SCAMP5: variants seen among roughly 807,000 people sequenced by gnomAD.
SCAMP5 encodes the protein secretory carrier membrane protein 5.
SCAMP5 carries 7 observed loss-of-function variants against 28.3 expected under a neutral mutation model. The observed-to-expected ratio is 0.25, with a 90% CI of 0.14 to 0.46. The LOEUF (loss-of-function observed/expected upper bound fraction) is 0.46. Among genes scored for constraint, SCAMP5 ranks in the 20% least tolerant of loss-of-function variants. The pLI is 0.99. For missense variants in SCAMP5, 192 were observed against 312.5 expected, an observed-to-expected ratio of 0.61 and a Z score of 2.91; for synonymous variants, 117 against 116.4, an observed-to-expected ratio of 1.00 and a Z score of -0.03.
In SCAMP5 at chr15:75,018,358, CG is replaced by C. The variant is rs760716898; in HGVS notation, c.396-54del. The C allele has an allele frequency of 1.5e-5, 15 of 1,008,890 alleles. No individual in the cohort carries two copies. The South Asian group carries it at 1.9e-4, about 13-fold the overall frequency. The allele number at this position is 1,008,890 out of a possible 1,614,324, so 62.5% of individuals were successfully genotyped here. A position where few individuals can be genotyped will look rare whatever the true frequency, so the allele number is the denominator to read the frequency against. On this transcript the variant is annotated intron_variant, in intron 5 of 6. Coordinates refer to ENST00000425597, the MANE Select transcript of SCAMP5 (RefSeq NM_138967.4). This position sits in a 1 kb window ranked among gnomAD's most constrained non-coding sequence, Gnocchi z 5.6. ...GCAATGAGACGGTCCCTTCCTCTAG[CG>C]GGGGGCTCCTGGGCACCTCTTATCC... is the stretch of plus-strand genomic sequence containing the variant.
chr15:75,018,438 C>G lies in SCAMP5; in HGVS notation c.416C>G (p.Ser139Cys). 4 of 1,613,580 alleles carry G rather than the reference C, an allele frequency of 2.5e-6. No individual in the cohort carries two copies. Among genetic ancestry groups the G allele is most frequent in the Non-Finnish European group, 3.4e-6 (4 of 1,179,502 alleles). The change falls in exon 6 of 7, where the codon TCC (serine) becomes TGC (cysteine). Residue 139 changes from serine to cysteine, a missense_variant. By Grantham distance (112) the Ser-to-Cys change is moderately radical. Transcript: ENST00000425597. The surrounding 1 kb of genome is among the most constrained non-coding windows in gnomAD (Gnocchi z 5.6). The part of the protein sequence containing the change: ...WGVCGWIATI[S>C]FFGTNIGSAV... The stretch of plus-strand genomic sequence containing the variant: ...TGCAGCGGCTGGATTGCTACCATCT[C>G]CTTCTTCGGAACGAACATTGGCTCG...
chr15:75,012,603 A>T, intron 2 of SCAMP5, 74 bp from the exon 3 acceptor site: 2 of 1,578,080 alleles, frequency 1.3e-6, no homozygotes, highest in South Asian at 1.1e-5. Flanking sequence ...CAGCACAGCC[A>T]GGGGAAGGAT....
chr15:75,011,928 C>T (rs1357834129), intron 2 of SCAMP5, 82 bp downstream of exon 2: 2 of 1,226,676 alleles, frequency 1.6e-6, no homozygotes, highest in Non-Finnish European at 2.4e-6. Context: ...CCCTTATCTC[C>T]CCTAGTCTTT....
At chr15:75,007,411 A>T (rs1414148499) in intron 1 of SCAMP5, among the ~76,000 whole-genome samples, 1 of 152,110 alleles carries the variant, frequency 6.6e-6, no homozygotes, top group East Asian at 1.9e-4. Flanking sequence ...TTTTTGAGAC[A>T]GGGTCTTGCT....
At chr15:75,008,368 A>G (rs1255592391) in intron 1 of SCAMP5, among the ~76,000 whole-genome samples, 1 of 150,478 alleles carries the variant, frequency 6.6e-6, no homozygotes, top group Non-Finnish European at 1.5e-5. Context: ...GCAAATTCAT[A>G]TGTGCATTCT....
At chr15:75,006,549 A>T (rs1700555518) in intron 1 of SCAMP5, among the ~76,000 whole-genome samples, 1 of 152,014 alleles carries the variant, frequency 6.6e-6, no homozygotes, top group Admixed American at 6.5e-5. Context: ...GCACTTTGGG[A>T]GGCCAAGGCA....
At position 75,016,744 on chromosome 15, in the gene SCAMP5, C is replaced by T. The variant is rs1474274569; in HGVS notation, c.288C>T (p.Ala96=). 2 of 1,613,420 alleles carry T rather than the reference C, an allele frequency of 1.2e-6. No homozygotes were observed. The highest frequency in any genetic ancestry group is 1.7e-5 in the Admixed American group (1 of 59,972). ...GCTGGTTTCGGCCCATTTACAAGGC[C>T]TTCAAGTAAGTGGTTGGTGCTATCC... is the stretch of plus-strand genomic sequence containing the variant. The part of the protein sequence containing the change: ...YVCWFRPIYK[A]FKTDSSFSFM... Residue 96 remains alanine (A), a synonymous_variant, in exon 4 of 7, where the codon GCC becomes GCT. Transcript: ENST00000425597.
At chr15:75,000,683 C>CTT (rs58106804) in intron 1 of SCAMP5, among the ~76,000 whole-genome samples, 14,791 of 120,128 alleles carry the variant, frequency 0.12, 1,579 homozygotes, top group South Asian at 0.41. Flanking sequence ...CGCACCCAGC[C>CTT]TTTTTTTTTT....
Position 75,018,699 on chromosome 15 carries a change from G to GA in SCAMP5, c.514-90_514-89insA. On this transcript the variant is annotated intron_variant, in intron 6 of 6. Coordinates refer to ENST00000425597, the MANE Select transcript of SCAMP5 (RefSeq NM_138967.4). This position sits in a 1 kb window ranked among gnomAD's most constrained non-coding sequence, Gnocchi z 5.6. ...GAGGCATTCATGGGGAGGGAGCACT[G>GA]TTTTTTTTTTACAGATGGGTCCCAT... 2.2e-6 allele frequency: 2 copies of GA among 910,522 alleles called. No homozygotes were observed. The highest frequency in any genetic ancestry group is 3.3e-6 in the Non-Finnish European group (2 of 606,864). The allele number at this position is 910,522 out of a possible 1,614,324, so 56.4% of individuals were successfully genotyped here. A position where few individuals can be genotyped will look rare whatever the true frequency, so the allele number is the denominator to read the frequency against.
chr15:75,015,459 G>T (rs1012664308), intron 3 of SCAMP5, among the ~76,000 whole-genome samples: 2 of 152,104 alleles, frequency 1.3e-5, no homozygotes, highest in East Asian at 1.9e-4. Flanking sequence ...CAGAGGGGGG[G>T]GGGCCTGGGT....
At position 75,019,160 on chromosome 15, in the gene SCAMP5, C is replaced by T; in HGVS notation, c.*177C>T. ...GTATATGTCTGTACCCCAGCCCCCA[C>T]CTTTCAGATTCTGCTCTTGGCACTC... On this transcript the variant is annotated 3_prime_UTR_variant, in exon 7 of 7. Transcript: ENST00000425597. 2.4e-6 allele frequency: 1 copy of T among 412,574 alleles called. No individual in the cohort carries two copies. Among genetic ancestry groups the T allele is most frequent in the Non-Finnish European group, 4.2e-6 (1 of 238,274 alleles). The allele number at this position is 412,574 out of a possible 1,614,324, so 25.6% of individuals were successfully genotyped here. A position where few individuals can be genotyped will look rare whatever the true frequency, so the allele number is the denominator to read the frequency against.
Position 75,018,711 on chromosome 15 carries a change from C to A in SCAMP5, c.514-78C>A. On this transcript the variant is annotated intron_variant, in intron 6 of 6. Coordinates refer to ENST00000425597, the MANE Select transcript of SCAMP5 (RefSeq NM_138967.4). The surrounding 1 kb of genome is among the most constrained non-coding windows in gnomAD (Gnocchi z 5.6). Reference sequence around the variant, plus strand: ...GGGAGGGAGCACTGTTTTTTTTTTACAGATGGGTCCCATCTATTTCCTGGA... The same window carrying A: ...GGGAGGGAGCACTGTTTTTTTTTTAAAGATGGGTCCCATCTATTTCCTGGA... 3.5e-6 allele frequency: 4 copies of A among 1,126,820 alleles called. No homozygotes were observed. Among genetic ancestry groups the A allele is most frequent in the Non-Finnish European group, 5.3e-6 (4 of 756,164 alleles). 69.8% of individuals were successfully genotyped at this position (1,126,820 alleles called of 1,614,324 possible). A position where few individuals can be genotyped will look rare whatever the true frequency, so the allele number is the denominator to read the frequency against.
Position 75,019,225 on chromosome 15 carries a change from G to A in SCAMP5, c.*242G>A, listed in dbSNP as rs182853509. ...CGTGGAGCTGTCCCGTGCGGTAGTA[G>A]CTGTGTCTGTGTCCCCTCGTGAAAT... On this transcript the variant is annotated 3_prime_UTR_variant, in exon 7 of 7. Transcript: ENST00000425597. 21 of 316,608 alleles carry A rather than the reference G, an allele frequency of 6.6e-5. No homozygotes were observed. Among genetic ancestry groups the A allele is most frequent in the African/African-American group, 4.5e-4 (21 of 46,412 alleles). 19.6% of individuals were successfully genotyped at this position (316,608 alleles called of 1,614,324 possible).
At chr15:75,015,925 C>CAAAAAA (rs71308031) in intron 3 of SCAMP5, among the ~76,000 whole-genome samples, 25 of 62,846 alleles carry the variant, frequency 4.0e-4, no homozygotes, top group African/African-American at 4.4e-4. Flanking sequence ...AATTCCATCT[C>CAAAAAA]AAAAAAAAAA....
intron 1 of SCAMP5, among the ~76,000 whole-genome samples, chr15:75,000,058 C>A (rs190672508): frequency 6.6e-6 from 1 of 152,208 alleles, no homozygotes; most frequent in East Asian, 1.9e-4. Flanking sequence ...CCAACAAAAT[C>A]CACCAAACCT....
chr15:75,017,522 T>G, intron 4 of SCAMP5: 1 of 493,662 alleles, frequency 2.0e-6, no homozygotes. Context: ...CATGTACCAG[T>G]GGAGCTAGCT....
At chr15:75,005,986 T>TTC (rs1301392221) in intron 1 of SCAMP5, among the ~76,000 whole-genome samples, 4 of 143,284 alleles carry the variant, frequency 2.8e-5, no homozygotes, top group African/African-American at 1.0e-4. Context: ...CCTCCCTTTT[T>TTC]TTTTTTTTTT....
In SCAMP5 at chr15:75,019,503, A is replaced by G. The variant is rs1419835600; in HGVS notation, c.*520A>G. Reference sequence around the variant, plus strand: ...CTTGGTGGTGGGTGGGAGGGTGGGTACAGGCCAGGGATATTCCCTTGCTCT... The same window carrying G: ...CTTGGTGGTGGGTGGGAGGGTGGGTGCAGGCCAGGGATATTCCCTTGCTCT... On this transcript the variant is annotated 3_prime_UTR_variant, in exon 7 of 7. Coordinates refer to ENST00000425597, the MANE Select transcript of SCAMP5 (RefSeq NM_138967.4). 1 of 152,516 alleles carries G rather than the reference A, an allele frequency of 6.6e-6. No homozygotes were observed. Among genetic ancestry groups the G allele is most frequent in the African/African-American group, 2.4e-5 (1 of 41,412 alleles). The allele number at this position is 152,516 out of a possible 1,614,324, so 9.4% of individuals were successfully genotyped here.
At chr15:75,016,349 C>T (rs8036573) in intron 3 of SCAMP5, among the ~76,000 whole-genome samples, 45,794 of 151,908 alleles carry the variant, frequency 0.3, 7,860 homozygotes, top group South Asian at 0.58. Flanking sequence ...TACTCCTCTG[C>T]GTGTGTATGT....
Sources: allele counts gnomAD v4.1 joint callset (sites outside exome capture counted in the v4.1 genomes callset), GRCh38; gene constraint gnomAD v4.1.1; non-coding constraint Gnocchi (gnomAD v3.1); transcripts MANE v1.5; gene names NCBI Gene and HGNC (gene_info 2026-07-23, HGNC 2026-07-21).